SPAG5: variants seen among roughly 807,000 people sequenced by gnomAD.
SPAG5 encodes the protein sperm-associated antigen 5.
SPAG5 carries 99 observed loss-of-function variants against 145.4 expected under a neutral mutation model. The ratio of observed to expected loss-of-function variants is 0.68; its 90% confidence interval spans 0.58 to 0.80. SPAG5 has a LOEUF of 0.80. Among genes scored for constraint, SPAG5 ranks in the 30% least tolerant of loss-of-function variants. The pLI, the probability that SPAG5 is intolerant of heterozygous loss-of-function variation, is 0.00. For synonymous variants in SPAG5, 477 were observed against 525.4 expected (o/e 0.91, Z 1.26); for missense variants, 1,192 against 1,416.0 (o/e 0.84, Z 2.54).
At chr17:28,593,529 C>T (rs948473505) in intron 2 of SPAG5, among the ~76,000 whole-genome samples, 1 of 152,086 alleles carries the variant, frequency 6.6e-6, no homozygotes, top group African/African-American at 2.4e-5. Flanking sequence ...GCAGGTGGAT[C>T]GCTTGAGTTC....
chr17:28,580,009 C>T lies in SPAG5; in HGVS notation c.2797G>A (p.Glu933Lys). 6.2e-7 allele frequency: 1 copy of T among 1,612,454 alleles called. No homozygotes were observed. The highest frequency in any genetic ancestry group is 8.5e-7 in the Non-Finnish European group (1 of 1,178,894). The change falls in exon 16 of 24, where the codon GAG (glutamate) becomes AAG (lysine). Residue 933 changes from glutamate to lysine, a missense_variant and splice_region_variant. By Grantham distance (56) the Glu-to-Lys change is moderately conservative (BLOSUM62 1). Transcript: ENST00000321765. ...GSILTAVADEEPESTPVPLLG... is the reference protein window; with the variant it reads ...GSILTAVADEKPESTPVPLLG... ...ACCCCCAAATCCCAGGGCCTTTAAC[C>T]TTCATCTGCCACTGCTGTCAAGATG...
intron 4 of SPAG5, among the ~76,000 whole-genome samples, chr17:28,590,868 C>CAA (rs60727111): frequency 0.19 from 7,006 of 36,702 alleles, 794 homozygotes; most frequent in Non-Finnish European, 0.25. Flanking sequence ...GACTCCGTCT[C>CAA]AAAAAAAAAA....
intron 23 of SPAG5, 62 bp downstream of exon 23, chr17:28,577,948 A>G (rs1311401524): frequency 1.4e-6 from 2 of 1,422,212 alleles, no homozygotes; most frequent in Non-Finnish European, 2.0e-6. Context: ...GCTCATTAGT[A>G]CCTCCTGGGG....
chr17:28,595,911 G>A (rs1022419590), intron 2 of SPAG5, among the ~76,000 whole-genome samples: 1 of 152,188 alleles, frequency 6.6e-6, no homozygotes, highest in Non-Finnish European at 1.5e-5. Context: ...CCTGGGCGTA[G>A]TGATACATGC....
chr17:28,582,086 C>T (rs1431459529), intron 15 of SPAG5, among the ~76,000 whole-genome samples: 1 of 152,210 alleles, frequency 6.6e-6, no homozygotes, highest in East Asian at 1.9e-4. Context: ...CCTCTCCTTT[C>T]TACTGCCTAT....
chr17:28,583,794 A>G, intron 14 of SPAG5, 59 bp downstream of exon 14: 1 of 1,573,162 alleles, frequency 6.4e-7, no homozygotes, highest in South Asian at 1.2e-5. Context: ...GGCTTCTAGA[A>G]GTGTTCCTGA....
At position 28,592,012 on chromosome 17, in the gene SPAG5, C is replaced by A; in HGVS notation, c.1232G>T (p.Ser411Ile). The stretch of plus-strand genomic sequence containing the variant: ...CAGGAGCTGCTCTGTCTCAGAAGTA[C>A]TGTGCTTGGTGCCAACCAGGCCTGT... The part of the protein sequence containing the change: ...SQTGLVGTKH[S>I]TSETEQLLCG... The change falls in exon 3 of 24, where the codon AGT becomes ATT. Residue 411 changes from serine to isoleucine, a missense_variant. Ser to Ile is a moderately radical substitution (Grantham distance 142, BLOSUM62 -2). Transcript: ENST00000321765. 6.2e-7 allele frequency: 1 copy of A among 1,614,172 alleles called. No homozygotes were observed. Among genetic ancestry groups the A allele is most frequent in the Non-Finnish European group, 8.5e-7 (1 of 1,180,034 alleles).
chr17:28,584,955 C>A (rs2070574048), intron 10 of SPAG5, 147 bp downstream of exon 10: 10 of 811,104 alleles, frequency 1.2e-5, no homozygotes, highest in Non-Finnish European at 2.0e-5. Context: ...AAAAACTGCG[C>A]TTAAGGCCAT....
intron 2 of SPAG5, among the ~76,000 whole-genome samples, chr17:28,596,026 G>C (rs1444200567): frequency 6.6e-6 from 1 of 150,694 alleles, no homozygotes; most frequent in Admixed American, 6.6e-5. Flanking sequence ...CAGCCTGGGT[G>C]ACAGAGCAAG....
In SPAG5 at chr17:28,577,621, A is replaced by C. The variant is rs2070513859; in HGVS notation, c.*78T>G. 2 of 932,920 alleles carry C rather than the reference A, an allele frequency of 2.1e-6. No homozygotes were observed. The highest frequency in any genetic ancestry group is 3.6e-6 in the Non-Finnish European group (2 of 560,346). The allele number at this position is 932,920 out of a possible 1,614,324, so 57.8% of individuals were successfully genotyped here. A position where few individuals can be genotyped will look rare whatever the true frequency, so the allele number is the denominator to read the frequency against. On this transcript the variant is annotated 3_prime_UTR_variant, in exon 24 of 24. Coordinates refer to ENST00000321765, the MANE Select transcript of SPAG5 (RefSeq NM_006461.4). ...AATAGCATTTATCTCAGTTGGCTCT[A>C]TGCCAGTTGGTCTTGGTATTGGGGT... is the stretch of plus-strand genomic sequence containing the variant.
rs771799136 is a variant in SPAG5 at position 28,583,558 on chromosome 17, G to T, written c.2638C>A (p.Gln880Lys). The change falls in exon 15 of 24, where the codon CAA (glutamine) becomes AAA (lysine). Residue 880 changes from glutamine to lysine, a missense_variant. By Grantham distance (53) the Gln-to-Lys change is moderately conservative (BLOSUM62 1). Around this residue, in one of 5 missense-constraint regions of SPAG5, gnomAD observed 709 missense variants for 840.7 expected, o/e 0.84. Transcript: ENST00000321765. ...YSQKLGLLTE[Q>K]LQSLTLFLQT... is the part of the protein sequence containing the mutation. Reference sequence around the variant, plus strand: ...AGAAAGAGAGTCAGGCTCTGTAGTTGCTCAGTCAGCAGCCCTAGCTTTTGA... The same window carrying T: ...AGAAAGAGAGTCAGGCTCTGTAGTTTCTCAGTCAGCAGCCCTAGCTTTTGA... 1.9e-6 allele frequency: 3 copies of T among 1,613,288 alleles called. No homozygotes were observed. In the Admixed American group the frequency reaches 5.0e-5, roughly 27 times the overall value.
chr17:28,590,769 T>C (rs988674366), intron 4 of SPAG5, among the ~76,000 whole-genome samples: 8 of 145,428 alleles, frequency 5.5e-5, no homozygotes, highest in Non-Finnish European at 5.9e-5. Context: ...CTCAGGAGGC[T>C]GAGGCAGGAG....
At position 28,591,787 on chromosome 17, in the gene SPAG5, G is replaced by A. The variant is rs374794062; in HGVS notation, c.1348C>T (p.Arg450Cys). The A allele has an allele frequency of 1.1e-5, 18 of 1,614,016 alleles. No individual in the cohort carries two copies. Among genetic ancestry groups the A allele is most frequent in the African/African-American group, 1.1e-4 (8 of 74,922 alleles). Residue 450 changes from arginine (R) to cysteine (C), a missense_variant, in exon 4 of 24, where the codon CGC becomes TGC. Physicochemically the swap from Arg to Cys is radical, Grantham distance 180. This residue lies in a region of SPAG5 where 125 missense variants were observed against 143.8 expected (regional missense o/e 0.87). Coordinates refer to ENST00000321765, the MANE Select transcript of SPAG5 (RefSeq NM_006461.4). Reference sequence around the variant, plus strand: ...TGGCTCTTCCAGTCCCGAAGCTGGCGGGAGAGAACCTCCAGAATGACAAGA... The same window carrying A: ...TGGCTCTTCCAGTCCCGAAGCTGGCAGGAGAGAACCTCCAGAATGACAAGA... The part of the protein sequence containing the change: ...SSLVILEVLS[R>C]QLRDWKSQLA...
intron 4 of SPAG5, among the ~76,000 whole-genome samples, chr17:28,590,746 G>A (rs568446003): frequency 4.6e-5 from 7 of 151,930 alleles, no homozygotes; most frequent in African/African-American, 1.7e-4. Context: ...GCATGCGCTT[G>A]TAGTCCCAGC....
chr17:28,595,031 G>A (rs558761547), intron 2 of SPAG5, among the ~76,000 whole-genome samples: 9 of 151,578 alleles, frequency 5.9e-5, no homozygotes, highest in Non-Finnish European at 8.8e-5. Context: ...AGGCTGAGGC[G>A]GTCAGATCAC....
At position 28,579,246 on chromosome 17, in the gene SPAG5, C is replaced by T. The variant is rs780049849; in HGVS notation, c.3012G>A (p.Glu1004=). The part of the protein sequence containing the change: ...AIRTLQRKIC[E]LQARLQAQEE... ...CCTGGGCCTGCAGCCTAGCTTGCAG[C>T]TCACAACTGAAGGAAGGAAGAATTT... Residue 1004 remains glutamate (E), a synonymous_variant, in exon 19 of 24, where the codon GAG becomes GAA. Coordinates refer to ENST00000321765, the MANE Select transcript of SPAG5 (RefSeq NM_006461.4). 17 of 1,614,060 alleles carry T rather than the reference C, an allele frequency of 1.1e-5. No individual in the cohort carries two copies. The highest frequency in any genetic ancestry group is 1.3e-5 in the Non-Finnish European group (15 of 1,180,016).
intron 15 of SPAG5, among the ~76,000 whole-genome samples, chr17:28,581,465 C>T (rs570489313): frequency 2.1e-4 from 32 of 151,218 alleles, no homozygotes; most frequent in African/African-American, 7.8e-4. Context: ...AACATCTTTG[C>T]TCCTTTCCGC....
Position 28,580,067 on chromosome 17 carries a change from G to A in SPAG5, c.2739C>T (p.His913=). 9 of 1,614,070 alleles carry A rather than the reference G, an allele frequency of 5.6e-6. No homozygotes were observed. The highest frequency in any genetic ancestry group is 7.6e-6 in the Non-Finnish European group (9 of 1,179,964). ...LSTACPPTQE[H]PLPNDRTFLG... Reference sequence around the variant, plus strand: ...GGAAGGTCCTGTCATTAGGCAGAGGGTGTTCCTGGGTGGGAGGACAGGCTG... The same window carrying A: ...GGAAGGTCCTGTCATTAGGCAGAGGATGTTCCTGGGTGGGAGGACAGGCTG... The change falls in exon 16 of 24, where the codon CAC becomes CAT. Residue 913 remains histidine, a synonymous_variant. Coordinates refer to ENST00000321765, the MANE Select transcript of SPAG5 (RefSeq NM_006461.4).
Position 28,583,498 on chromosome 17 carries a change from C to T in SPAG5, c.2685+13G>A. 6.4e-7 allele frequency: 1 copy of T among 1,569,642 alleles called. No individual in the cohort carries two copies. Among genetic ancestry groups the T allele is most frequent in the Non-Finnish European group, 8.6e-7 (1 of 1,162,778 alleles). ...ACAATTGGAAGAGAAGAGAAGGAACCCCAGGATCCTACCTTCTCCTTTAGT... is the reference window on the plus strand; with the variant it reads ...ACAATTGGAAGAGAAGAGAAGGAACTCCAGGATCCTACCTTCTCCTTTAGT... On this transcript the variant is annotated intron_variant, in intron 15 of 23. Coordinates refer to ENST00000321765, the MANE Select transcript of SPAG5 (RefSeq NM_006461.4).
Sources: allele counts gnomAD v4.1 joint callset (sites outside exome capture counted in the v4.1 genomes callset), GRCh38; gene constraint gnomAD v4.1.1; regional missense constraint gnomAD v4.1.1; transcripts MANE v1.5; gene names NCBI Gene and HGNC (gene_info 2026-07-23, HGNC 2026-07-21).